The following UNC13C variants were observed in gnomAD, a reference collection of about 807,000 sequenced individuals.
UNC13C encodes the protein unc-13 homolog C.
Under a neutral mutation model 245.4 loss-of-function variants are expected in UNC13C, and 174 were observed. The observed-to-expected ratio is 0.71, with a 90% confidence interval of 0.63 to 0.80. The LOEUF is 0.80. UNC13C is among the 30% of genes least tolerant of loss of function. UNC13C has a pLI of 0.00. For missense variants in UNC13C, 2,829 were observed against 2,602.9 expected (o/e 1.09, Z -1.89); for synonymous variants, 992 against 895.1 (o/e 1.11, Z -1.93).
intron 19 of UNC13C, among the ~76,000 whole-genome samples, chr15:54,437,317 C>T (rs1890272076): frequency 1.3e-5 from 2 of 151,910 alleles, no homozygotes; most frequent in Non-Finnish European, 2.9e-5. Context: ...CATACATATT[C>T]AATAGCATCT....
intron 17 of UNC13C, among the ~76,000 whole-genome samples, chr15:54,389,048 C>G (rs2039897604): frequency 6.6e-6 from 1 of 152,080 alleles, no homozygotes; most frequent in Non-Finnish European, 1.5e-5. Context: ...TTTAAATGGT[C>G]CTTATCATGT....
At chr15:54,154,988 T>C (rs528018188) in intron 4 of UNC13C, among the ~76,000 whole-genome samples, 3 of 152,220 alleles carry the variant, frequency 2.0e-5, no homozygotes, top group Non-Finnish European at 4.4e-5. Context: ...GTTAGAAATA[T>C]TGCAAAAGAA....
intron 19 of UNC13C, among the ~76,000 whole-genome samples, chr15:54,416,686 C>G (rs1269021443): frequency 6.6e-6 from 1 of 152,048 alleles, no homozygotes; most frequent in Non-Finnish European, 1.5e-5. Flanking sequence ...CTACCCTAGG[C>G]CTATACTCTG....
intron 19 of UNC13C, among the ~76,000 whole-genome samples, chr15:54,493,126 G>T (rs1452614014): frequency 6.6e-6 from 1 of 152,144 alleles, no homozygotes; most frequent in African/African-American, 2.4e-5. Flanking sequence ...GGGTAGTATT[G>T]TGTGAAATTT....
the UNC13C span, among the ~76,000 whole-genome samples, chr15:53,892,875 A>G: frequency 6.6e-6 from 1 of 152,110 alleles, no homozygotes; most frequent in South Asian, 2.1e-4. Context: ...ACTTTTGTCA[A>G]TTCATCAAAC....
chr15:54,500,243 T>G (rs1266447963), intron 21 of UNC13C, 68 bp downstream of exon 21: 21 of 1,131,974 alleles, frequency 1.9e-5, no homozygotes, highest in Non-Finnish European at 2.6e-5. Context: ...TTTAACCTAA[T>G]GGGAATTATT....
chr15:54,264,939 A>T (rs1257984498), intron 9 of UNC13C, among the ~76,000 whole-genome samples: 2 of 152,022 alleles, frequency 1.3e-5, no homozygotes, highest in Non-Finnish European at 2.9e-5. Flanking sequence ...ATAAAGAAAG[A>T]TGCTTTCTCA....
intron 17 of UNC13C, among the ~76,000 whole-genome samples, chr15:54,384,627 A>G (rs2039797846): frequency 6.6e-6 from 1 of 152,128 alleles, no homozygotes; most frequent in African/African-American, 2.4e-5. Flanking sequence ...CTAAGAGCTC[A>G]AAAGCATAGG....
intron 4 of UNC13C, among the ~76,000 whole-genome samples, chr15:54,171,272 G>C (rs561290431): frequency 6.6e-6 from 1 of 152,156 alleles, no homozygotes; most frequent in Admixed American, 6.5e-5. Context: ...AACTTAAAAA[G>C]CTTCTGCATA....
intron 19 of UNC13C, among the ~76,000 whole-genome samples, chr15:54,463,491 C>G (rs1215814669): frequency 6.6e-6 from 1 of 151,960 alleles, no homozygotes; most frequent in East Asian, 1.9e-4. Flanking sequence ...AGACCACGAA[C>G]CCACTGGGAG....
chr15:53,841,022 A>G, the UNC13C span, among the ~76,000 whole-genome samples: 5 of 152,154 alleles, frequency 3.3e-5, no homozygotes, highest in Non-Finnish European at 7.4e-5. Flanking sequence ...CAAGTCTAGG[A>G]GCTCTGGTGT....
chr15:54,466,714 T>A (rs1034376864), intron 19 of UNC13C, among the ~76,000 whole-genome samples: 4 of 151,928 alleles, frequency 2.6e-5, no homozygotes, highest in Non-Finnish European at 5.9e-5. Flanking sequence ...CAGTGTTCCA[T>A]GGACATTCAG....
chr15:54,176,505 A>T (rs970480454), intron 4 of UNC13C, among the ~76,000 whole-genome samples: 3 of 152,256 alleles, frequency 2.0e-5, no homozygotes, highest in Admixed American at 2.0e-4. Flanking sequence ...CCCTTATGAT[A>T]ATATTTCTAC....
At chr15:54,045,095 A>C (rs1390678518) in intron 2 of UNC13C, among the ~76,000 whole-genome samples, 1 of 152,012 alleles carries the variant, frequency 6.6e-6, no homozygotes, top group East Asian at 1.9e-4. Context: ...GTAAATTATC[A>C]ATTTTTTCTT....
At chr15:54,156,933 A>G (rs992267765) in intron 4 of UNC13C, among the ~76,000 whole-genome samples, 2 of 151,850 alleles carry the variant, frequency 1.3e-5, no homozygotes, top group Admixed American at 6.6e-5. Context: ...TTAGAACTAG[A>G]CATCAGAGGA....
intron 13 of UNC13C, chr15:54,320,966 AC>A (rs2038139348): frequency 2.5e-6 from 1 of 404,848 alleles, no homozygotes; most frequent in African/African-American, 2.1e-5. Flanking sequence ...ATTCATCCCC[AC>A]TGCCACCATA....
Position 54,500,852 on chromosome 15 carries a change from G to A in UNC13C, c.5175G>A (p.Glu1725=), listed in dbSNP as rs2141099153. The A allele has an allele frequency of 6.2e-7, 1 of 1,612,864 alleles. No homozygotes were observed. The highest frequency in any genetic ancestry group is 8.5e-7 in the Non-Finnish European group (1 of 1,179,208). Residue 1725 remains glutamate (E), a synonymous_variant, in exon 22 of 33, where the codon GAG becomes GAA. Transcript: ENST00000260323. ...CCCCACAGTTCCAGCAGACATCTGAGCATGCTCTCTTTTCTTGCTCCGTGG... is the reference window on the plus strand; with the variant it reads ...CCCCACAGTTCCAGCAGACATCTGAACATGCTCTCTTTTCTTGCTCCGTGG... ...DKKDGFQQTS[E]HALFSCSVVD...
chr15:54,108,324 C>G (rs1900561381), intron 2 of UNC13C, among the ~76,000 whole-genome samples: 1 of 152,140 alleles, frequency 6.6e-6, no homozygotes, highest in South Asian at 2.1e-4. Flanking sequence ...GTAGCTGGGA[C>G]TACAGGCGCC....
intron 18 of UNC13C, among the ~76,000 whole-genome samples, chr15:54,404,597 T>A (rs1162145091): frequency 1.3e-5 from 2 of 152,140 alleles, no homozygotes; most frequent in African/African-American, 4.8e-5. Flanking sequence ...ATTTAATTTG[T>A]GCACAAGAAA....
Sources: gnomAD v4.1 joint callset for allele counts (sites outside exome capture counted in the v4.1 genomes callset) on GRCh38, gnomAD v4.1.1 for gene constraint, MANE v1.5 for transcripts, NCBI Gene and HGNC (gene_info 2026-07-23, HGNC 2026-07-21) for gene names.